STK40: variants seen among roughly 807,000 people sequenced by gnomAD.
STK40 encodes the protein serine/threonine-protein kinase 40.
Under a neutral mutation model 47.9 loss-of-function variants are expected in STK40, and 13 were observed. The observed-to-expected ratio is 0.27, with a 90% CI of 0.18 to 0.43. The LOEUF is 0.43. Ranked by LOEUF, STK40 falls within the 20% of genes least tolerant of loss-of-function variation. STK40 has a pLI of 1.00. For synonymous variants in STK40, 225 were observed against 243.2 expected (o/e 0.93, Z 0.69); for missense variants, 460 against 595.1 (o/e 0.77, Z 2.36).
At chr1:36,358,891 G>T (rs1646828895) in intron 2 of STK40, 69 bp from the exon 3 acceptor site, 14 of 1,569,410 alleles carry the variant, frequency 8.9e-6, no homozygotes, top group Non-Finnish European at 1.1e-5. Context: ...GTCACCACGT[G>T]GTCTTTTACT....
chr1:36,353,888 C>T (rs1646780137), intron 6 of STK40, among the ~76,000 whole-genome samples: 1 of 152,158 alleles, frequency 6.6e-6, no homozygotes, highest in South Asian at 2.1e-4. Context: ...TATGGCAAGG[C>T]ATCATTTTGC....
chr1:36,346,052 T>C (rs1461370901), intron 7 of STK40, among the ~76,000 whole-genome samples: 7 of 135,718 alleles, frequency 5.2e-5, no homozygotes, highest in Non-Finnish European at 9.3e-5. Flanking sequence ...TGGAGTGCAG[T>C]GGTGAGATCT....
intron 6 of STK40, 60 bp downstream of exon 6, chr1:36,354,304 C>G: frequency 1.3e-6 from 2 of 1,582,220 alleles, no homozygotes; most frequent in Non-Finnish European, 1.7e-6. Flanking sequence ...TGGAGAGTTG[C>G]AATGTGTAGC....
chr1:36,346,752 C>T lies in STK40; in HGVS notation c.739+1948G>A, dbSNP rs141372790. On this transcript the variant is annotated intron_variant, in intron 7 of 10. Coordinates refer to ENST00000373132, the MANE Select transcript of STK40 (RefSeq NM_001282547.2). Reference sequence around the variant, plus strand: ...AACCAGAAGGATAGGCTGCTGGCAACAGCAGGGAGGGCCACAGAGCCTCAG... The same window carrying T: ...AACCAGAAGGATAGGCTGCTGGCAATAGCAGGGAGGGCCACAGAGCCTCAG... 1.8e-3 allele frequency among the ~76,000 whole-genome samples: 275 copies of T among 152,340 alleles called. 1 individual carries two copies. The highest frequency in any genetic ancestry group is 6.4e-3 in the African/African-American group (265 of 41,582).
chr1:36,383,831 G>C (rs78991819), intron 1 of STK40, among the ~76,000 whole-genome samples: 3 of 151,576 alleles, frequency 2.0e-5, no homozygotes, highest in Non-Finnish European at 4.4e-5. Flanking sequence ...TGTCTATCTC[G>C]CTCTCAAAGT....
chr1:36,343,759 C>G, intron 9 of STK40, 101 bp downstream of exon 9: 1 of 1,481,984 alleles, frequency 6.7e-7, no homozygotes, highest in Non-Finnish European at 9.0e-7. Context: ...CTGACTCTAA[C>G]TGGCAGAGAA....
intron 7 of STK40, among the ~76,000 whole-genome samples, chr1:36,345,277 C>A (rs1192541257): frequency 1.3e-5 from 2 of 152,246 alleles, no homozygotes; most frequent in African/African-American, 4.8e-5. Flanking sequence ...CGTCACCTCC[C>A]TGGGCAACCA....
chr1:36,349,646 G>A (rs1011098597), intron 6 of STK40, among the ~76,000 whole-genome samples: 1 of 152,156 alleles, frequency 6.6e-6, no homozygotes, highest in African/African-American at 2.4e-5. Flanking sequence ...GAACATCACA[G>A]ACCCTCCCTC....
chr1:36,355,352 C>T lies in STK40; in HGVS notation c.424G>A (p.Asp142Asn), dbSNP rs775001122. 3 of 1,614,172 alleles carry T rather than the reference C, an allele frequency of 1.9e-6. No individual in the cohort carries two copies. The East Asian group carries it at 6.7e-5, about 36-fold the overall frequency. Residue 142 changes from aspartate to asparagine, a missense_variant, in exon 5 of 11, where the codon GAC becomes AAC. By Grantham distance (23) the Asp-to-Asn change is conservative. This residue lies in a region of STK40 where 277 missense variants were observed against 358.7 expected (regional missense o/e 0.77). Transcript: ENST00000373132. ...CTGAAGTCATGAGCACAGAGGCAGT[C>T]CAGGACGAGGCAGATGCGCTTCTTC... ...KMKKRICLVL[D>N]CLCAHDFSDK...
In STK40 at chr1:36,341,507, C is replaced by T. The variant is rs2124721564; in HGVS notation, c.*248G>A. ...AAGAGACAGAGGTAGATTAAAACAT[C>T]GTGATTAAAAGCAGATTAGTTATCT... On this transcript the variant is annotated 3_prime_UTR_variant, in exon 11 of 11. Transcript: ENST00000373132. 1.8e-6 allele frequency: 1 copy of T among 543,492 alleles called. No homozygotes were observed. The highest frequency in any genetic ancestry group is 3.3e-6 in the Non-Finnish European group (1 of 301,398). The allele number at this position is 543,492 out of a possible 1,614,324, so 33.7% of individuals were successfully genotyped here.
At position 36,341,176 on chromosome 1, in the gene STK40, G is replaced by A. The variant is rs1324342466; in HGVS notation, c.*579C>T. The stretch of plus-strand genomic sequence containing the variant: ...TGGACTGAGCCACCTAGAGATGGGA[G>A]AGAAGTTGGTATGGTAAAAAAATAA... On this transcript the variant is annotated 3_prime_UTR_variant, in exon 11 of 11. Coordinates refer to ENST00000373132, the MANE Select transcript of STK40 (RefSeq NM_001282547.2). 1 of 153,442 alleles carries A rather than the reference G, an allele frequency of 6.5e-6. No individual in the cohort carries two copies. The highest frequency in any genetic ancestry group is 1.5e-5 in the Non-Finnish European group (1 of 68,654). The allele number at this position is 153,442 out of a possible 1,614,324, so 9.5% of individuals were successfully genotyped here.
chr1:36,372,134 T>G (rs1363979899), intron 1 of STK40, among the ~76,000 whole-genome samples: 1 of 152,136 alleles, frequency 6.6e-6, no homozygotes, highest in East Asian at 1.9e-4. Context: ...GGCTGGTACA[T>G]AATGATAACT....
intron 6 of STK40, among the ~76,000 whole-genome samples, chr1:36,353,758 T>C (rs1054871895): frequency 6.6e-6 from 1 of 152,218 alleles, no homozygotes; most frequent in Non-Finnish European, 1.5e-5. Flanking sequence ...GAGGCCCTGC[T>C]GGGACTTCAC....
intron 1 of STK40, among the ~76,000 whole-genome samples, chr1:36,363,985 A>G (rs1177499815): frequency 6.6e-6 from 1 of 151,396 alleles, no homozygotes; most frequent in Admixed American, 6.6e-5. Context: ...CCCTGTCTCT[A>G]CTAAAAATAC....
intron 7 of STK40, among the ~76,000 whole-genome samples, chr1:36,345,984 TA>T (rs1646696530): frequency 3.7e-5 from 1 of 26,886 alleles, no homozygotes; most frequent in African/African-American, 1.2e-4. Flanking sequence ...TATATATATA[TA>T]TATATATTTT....
At chr1:36,344,320 C>G (rs1399761164) in intron 7 of STK40, 56 bp from the exon 8 acceptor site, 30 of 1,517,070 alleles carry the variant, frequency 2.0e-5, no homozygotes, top group Non-Finnish European at 2.6e-5. Context: ...CGTGGCTCAC[C>G]AGCCTGGAAT....
At position 36,341,702 on chromosome 1, in the gene STK40, TTGGCTGGGGCTGGAAGAAG is replaced by T; in HGVS notation, c.*34_*52del. The T allele has an allele frequency of 6.3e-7, 1 of 1,595,666 alleles. No individual in the cohort carries two copies. The highest frequency in any genetic ancestry group is 2.2e-5 in the East Asian group (1 of 44,590). The stretch of plus-strand genomic sequence containing the variant: ...GGGCCCAGCCCTGACAGCCACGCCT[TTGGCTGGGGCTGGAAGAAG>T]TGGCAGCAGTGCTGGTGGCCCCGGC... On this transcript the variant is annotated 3_prime_UTR_variant, in exon 11 of 11. Transcript: ENST00000373132.
chr1:36,378,355 C>T (rs1409991387), intron 1 of STK40, among the ~76,000 whole-genome samples: 3 of 152,168 alleles, frequency 2.0e-5, no homozygotes, highest in Non-Finnish European at 4.4e-5. Flanking sequence ...GTCTTTTTAC[C>T]CCGCTCTGAG....
intron 10 of STK40, chr1:36,342,990 G>A (rs1646668733): frequency 1.7e-6 from 1 of 593,542 alleles, no homozygotes; most frequent in African/African-American, 1.9e-5. Flanking sequence ...GAAAGAAATA[G>A]GGAGAAATGA....
Sources: gnomAD v4.1 joint callset for allele counts (sites outside exome capture counted in the v4.1 genomes callset) on GRCh38, gnomAD v4.1.1 for gene constraint, gnomAD v4.1.1 regional missense constraint, MANE v1.5 for transcripts, NCBI Gene and HGNC (gene_info 2026-07-23, HGNC 2026-07-21) for gene names.